Variants in WWOX observed in about 807,000 individuals in gnomAD.
WWOX encodes WW domain-containing oxidoreductase.
In WWOX, 69 loss-of-function variants were observed where a neutral mutation model predicts 46.2. The observed-to-expected ratio is 1.49, with a 90% confidence interval of 1.23 to 1.82. The LOEUF (loss-of-function observed/expected upper bound fraction) is 1.82, where lower values mean the gene tolerates loss of function less well. WWOX is among the 40% of genes most tolerant of loss of function. WWOX has a pLI of 0.00. For missense variants in WWOX, 919 were observed against 542.6 expected (o/e 1.69, Z -6.89); for synonymous variants, 359 against 202.6 (o/e 1.77, Z -6.56).
intron 8 of WWOX, among the ~76,000 whole-genome samples, chr16:78,502,443 G>A (rs574541517): frequency 2.1e-4 from 32 of 152,246 alleles, no homozygotes; most frequent in African/African-American, 6.5e-4. Flanking sequence ...TATGTTAGTC[G>A]TCTCTTGTGT....
At position 79,174,371 on chromosome 16, in the gene WWOX, G is replaced by A. The variant is rs181862509; in HGVS notation, c.1057-37237G>A. On this transcript the variant is annotated intron_variant, in intron 8 of 8. Coordinates refer to ENST00000566780, the MANE Select transcript of WWOX (RefSeq NM_016373.4). ...CTTCAAGATTAAGAAGGGACTAGCCGGGTGTGGTGGCTCACGCCTGTAATC... is the reference window on the plus strand; with the variant it reads ...CTTCAAGATTAAGAAGGGACTAGCCAGGTGTGGTGGCTCACGCCTGTAATC... Among the ~76,000 whole-genome samples, 422 of 152,330 alleles carry A rather than the reference G, an allele frequency of 2.8e-3. 4 individuals are homozygous for A. The highest frequency in any genetic ancestry group is 2.2e-3 in the Non-Finnish European group (148 of 68,036).
intron 8 of WWOX, among the ~76,000 whole-genome samples, chr16:79,201,543 C>A (rs2051352374): frequency 1.3e-5 from 2 of 152,090 alleles, no homozygotes; most frequent in Non-Finnish European, 2.9e-5. Flanking sequence ...ATAAAAAAGT[C>A]CCGAAGGAAA....
intron 8 of WWOX, among the ~76,000 whole-genome samples, chr16:79,066,368 G>A (rs1249407520): frequency 2.6e-5 from 4 of 152,116 alleles, no homozygotes; most frequent in African/African-American, 9.7e-5. Flanking sequence ...GGACATAGTA[G>A]ACTCCATCAG....
chr16:78,152,800 T>G (rs1300028124), intron 4 of WWOX, among the ~76,000 whole-genome samples: 2 of 152,248 alleles, frequency 1.3e-5, no homozygotes, highest in Non-Finnish European at 2.9e-5. Context: ...TTACAAAACA[T>G]TACGGCCTCA....
chr16:79,070,070 T>C (rs73570896), intron 8 of WWOX, among the ~76,000 whole-genome samples: 245 of 152,358 alleles, frequency 1.6e-3, no homozygotes, highest in African/African-American at 5.1e-3. Context: ...TAATATAGTT[T>C]GATAGTTCCT....
intron 8 of WWOX, among the ~76,000 whole-genome samples, chr16:78,707,886 T>TAAAG (rs2048357333): frequency 1.5e-5 from 2 of 129,644 alleles, no homozygotes; most frequent in Admixed American, 1.6e-4. Context: ...AATAAATAAA[T>TAAAG]AAAGTATCTG....
intron 8 of WWOX, among the ~76,000 whole-genome samples, chr16:79,098,744 A>G (rs187024749): frequency 3.9e-4 from 59 of 152,320 alleles, no homozygotes; most frequent in African/African-American, 1.3e-3. Context: ...AATAACCCAG[A>G]TACACTTTGT....
At chr16:79,144,099 A>T (rs1015354308) in intron 8 of WWOX, among the ~76,000 whole-genome samples, 1 of 152,080 alleles carries the variant, frequency 6.6e-6, no homozygotes, top group Non-Finnish European at 1.5e-5. Flanking sequence ...GAGTATTGCT[A>T]TGTTGCCCAG....
In WWOX at chr16:78,221,477, A is replaced by G. The variant is rs543321995; in HGVS notation, c.516+57188A>G. On this transcript the variant is annotated intron_variant, in intron 5 of 8. Transcript: ENST00000566780. ...AATCTCCTATTTCCATTAATGGTGG[A>G]CTCTGTGGGTAGAGACATGGATATT... Among the ~76,000 whole-genome samples the G allele has an allele frequency of 5.1e-4, 78 of 152,102 alleles. 2 individuals carry two copies. The South Asian group carries it at 0.016, about 30-fold the overall frequency.
At chr16:79,105,105 A>C (rs1437610116) in intron 8 of WWOX, among the ~76,000 whole-genome samples, 1 of 152,130 alleles carries the variant, frequency 6.6e-6, no homozygotes. Flanking sequence ...GCAGCCCCTC[A>C]CCTGCTGGGG....
chr16:78,465,104 C>T (rs1229353908), intron 8 of WWOX, among the ~76,000 whole-genome samples: 1 of 152,172 alleles, frequency 6.6e-6, no homozygotes, highest in Non-Finnish European at 1.5e-5. Flanking sequence ...CAGGCAGATC[C>T]CATGGCTTTG....
At chr16:78,191,479 G>A (rs1310057922) in intron 5 of WWOX, among the ~76,000 whole-genome samples, 1 of 152,150 alleles carries the variant, frequency 6.6e-6, no homozygotes, top group Non-Finnish European at 1.5e-5. Context: ...ATATATCAAT[G>A]TATGGTCCCA....
intron 8 of WWOX, among the ~76,000 whole-genome samples, chr16:79,160,032 A>G (rs575896335): frequency 6.6e-6 from 1 of 152,282 alleles, no homozygotes; most frequent in South Asian, 2.1e-4. Context: ...AAAATTCCTG[A>G]CAAATGTCTG....
At chr16:78,314,800 C>T (rs1484198082) in intron 5 of WWOX, among the ~76,000 whole-genome samples, 2 of 151,004 alleles carry the variant, frequency 1.3e-5, no homozygotes, top group African/African-American at 4.9e-5. Flanking sequence ...AAGCCACCCG[C>T]CTTGGCCTCC....
chr16:78,605,263 C>T (rs759310154), intron 8 of WWOX, among the ~76,000 whole-genome samples: 84 of 151,836 alleles, frequency 5.5e-4, no homozygotes, highest in Middle Eastern at 3.4e-3. Context: ...GTTGTCTCTC[C>T]AGCCTCCTGC....
chr16:78,910,102 T>C (rs1467412112), intron 8 of WWOX, among the ~76,000 whole-genome samples: 1 of 147,680 alleles, frequency 6.8e-6, no homozygotes, highest in Non-Finnish European at 1.5e-5. Context: ...GATGTGGTGA[T>C]CGTTTGTGCT....
chr16:78,883,008 C>A (rs2044376224), intron 8 of WWOX, among the ~76,000 whole-genome samples: 1 of 152,108 alleles, frequency 6.6e-6, no homozygotes, highest in Non-Finnish European at 1.5e-5. Flanking sequence ...GCTCCCGACA[C>A]AAGGAACTGC....
chr16:78,785,946 G>A (rs749728631), intron 8 of WWOX, among the ~76,000 whole-genome samples: 3 of 151,782 alleles, frequency 2.0e-5, no homozygotes, highest in African/African-American at 4.8e-5. Context: ...TCATTCTGTC[G>A]CCCAGGCTGG....
intron 8 of WWOX, among the ~76,000 whole-genome samples, chr16:78,914,992 T>C (rs750207712): frequency 2.7e-4 from 41 of 150,338 alleles, no homozygotes; most frequent in Non-Finnish European, 5.6e-4. Flanking sequence ...ATGTATTAGG[T>C]GGTAAGATAG....
Sources: allele counts gnomAD v4.1 joint callset (sites outside exome capture counted in the v4.1 genomes callset), GRCh38; gene constraint gnomAD v4.1.1; transcripts MANE v1.5; gene names NCBI Gene and HGNC (gene_info 2026-07-23, HGNC 2026-07-21).